RNF130: variants seen among roughly 807,000 people sequenced by gnomAD.
RNF130 encodes ring finger protein 130.
RNF130 carries 21 observed loss-of-function variants against 44.6 expected under a neutral mutation model. That is an observed-to-expected ratio of 0.47 (90% CI 0.33 to 0.68). The LOEUF (loss-of-function observed/expected upper bound fraction) is 0.68, where lower values mean the gene tolerates loss of function less well. Ranked by LOEUF, RNF130 falls within the 30% of genes least tolerant of loss-of-function variation. RNF130 has a pLI of 0.02. For missense variants in RNF130, 479 were observed against 560.6 expected (o/e 0.85, Z 1.47); for synonymous variants, 214 against 210.4 (o/e 1.02, Z -0.15).
At chr5:179,954,697 A>C (rs1490952420), downstream of RNF130, among the ~76,000 whole-genome samples, 1 of 152,250 alleles carries the variant, frequency 6.6e-6, no homozygotes, top group Non-Finnish European at 1.5e-5. Flanking sequence ...TTAAACGGGT[A>C]ATTTTATAGC....
downstream of RNF130, among the ~76,000 whole-genome samples, chr5:179,950,641 C>T (rs1478299798): frequency 6.6e-6 from 1 of 152,120 alleles, no homozygotes; most frequent in Non-Finnish European, 1.5e-5. Flanking sequence ...ATGGGAAGTC[C>T]CAATCTATCA....
Position 180,071,745 on chromosome 5 carries a change from G to A in RNF130, c.-43C>T, listed in dbSNP as rs1214158422. 1.0e-5 allele frequency: 12 copies of A among 1,151,708 alleles called. No individual in the cohort carries two copies. The Middle Eastern group carries it at 1.1e-3, about 101-fold the overall frequency. 71.3% of individuals were successfully genotyped at this position (1,151,708 alleles called of 1,614,324 possible). ...CCGCTGCTCGCGGACCGGGCTCCGG[G>A]GCCGGCGCCTAGAGGCGGGGCGGGC... is the stretch of plus-strand genomic sequence containing the variant. On this transcript the variant is annotated 5_prime_UTR_variant, in exon 1 of 9. Transcript: ENST00000521389.
intron 1 of RNF130, among the ~76,000 whole-genome samples, chr5:180,052,917 G>A (rs1025442250): frequency 2.0e-5 from 3 of 152,086 alleles, no homozygotes; most frequent in Non-Finnish European, 4.4e-5. Context: ...CTTAAATATA[G>A]AAAATAATCA....
intron 3 of RNF130, among the ~76,000 whole-genome samples, chr5:179,991,497 TTA>T (rs567754794): frequency 9.7e-4 from 148 of 152,200 alleles, no homozygotes; most frequent in Non-Finnish European, 1.8e-3. Flanking sequence ...TTTAGTTGCT[TTA>T]TATAGTCCAT....
At chr5:179,987,933 C>T (rs1002416412) in intron 3 of RNF130, among the ~76,000 whole-genome samples, 3 of 152,144 alleles carry the variant, frequency 2.0e-5, no homozygotes, top group South Asian at 2.1e-4. Context: ...TTTCTTATTT[C>T]GTTGTGCCCT....
chr5:179,985,413 T>G (rs974529811), intron 3 of RNF130, among the ~76,000 whole-genome samples: 1 of 152,150 alleles, frequency 6.6e-6, no homozygotes, highest in Non-Finnish European at 1.5e-5. Flanking sequence ...CTGTGCATAC[T>G]AAGCCGTAAG....
chr5:180,020,221 C>T (rs17681729), intron 2 of RNF130, among the ~76,000 whole-genome samples: 6,342 of 152,222 alleles, frequency 0.042, 202 homozygotes, highest in Non-Finnish European at 0.061. Context: ...AAGGAATTTT[C>T]GGTTAGGTGT....
At chr5:180,053,158 CAG>C (rs910910014) in intron 1 of RNF130, among the ~76,000 whole-genome samples, 1 of 152,106 alleles carries the variant, frequency 6.6e-6, no homozygotes, top group Non-Finnish European at 1.5e-5. Context: ...AGGTTTTTAA[CAG>C]ATCTCAAAAC....
intron 3 of RNF130, among the ~76,000 whole-genome samples, chr5:179,999,459 C>T (rs763911789): frequency 7.2e-5 from 11 of 152,062 alleles, no homozygotes; most frequent in African/African-American, 9.7e-5. Flanking sequence ...TGGTGGCTTA[C>T]GCCTGTAATC....
chr5:179,944,031 G>C (rs1382410352), intron 7 of RNF130, among the ~76,000 whole-genome samples: 10 of 151,326 alleles, frequency 6.6e-5, no homozygotes, highest in African/African-American at 2.4e-4. Flanking sequence ...GAGTGCAACG[G>C]CGCGATCTTG....
chr5:180,006,452 G>C (rs1763464752), intron 3 of RNF130, among the ~76,000 whole-genome samples: 1 of 152,150 alleles, frequency 6.6e-6, no homozygotes, highest in Non-Finnish European at 1.5e-5. Flanking sequence ...TGATGAAAAT[G>C]GGCAATAAGA....
downstream of RNF130, among the ~76,000 whole-genome samples, chr5:179,952,151 T>C (rs1235726495): frequency 6.6e-6 from 1 of 152,092 alleles, no homozygotes; most frequent in Non-Finnish European, 1.5e-5. Flanking sequence ...CGAGCTGAGA[T>C]TGTGCCACTG....
chr5:179,986,232 TA>T (rs1561681281), intron 3 of RNF130, among the ~76,000 whole-genome samples: 5 of 152,238 alleles, frequency 3.3e-5, no homozygotes, highest in Non-Finnish European at 7.3e-5. Flanking sequence ...GCTTCATGAA[TA>T]GATTTTTCTG....
intron 3 of RNF130, among the ~76,000 whole-genome samples, chr5:180,009,510 T>G (rs977511114): frequency 2.6e-5 from 4 of 152,086 alleles, no homozygotes; most frequent in Non-Finnish European, 4.4e-5. Context: ...ATTAGAGAAA[T>G]GCAAACTAAA....
At chr5:180,031,526 A>T (rs1764130572) in intron 2 of RNF130, among the ~76,000 whole-genome samples, 1 of 152,106 alleles carries the variant, frequency 6.6e-6, no homozygotes, top group African/African-American at 2.4e-5. Context: ...CAAAAGTTAT[A>T]CGTAGCTTTT....
At chr5:180,047,758 A>G (rs1764600225) in intron 1 of RNF130, among the ~76,000 whole-genome samples, 1 of 152,142 alleles carries the variant, frequency 6.6e-6, no homozygotes, top group Non-Finnish European at 1.5e-5. Flanking sequence ...AATAAATAAA[A>G]TAAATCTCAG....
downstream of RNF130, among the ~76,000 whole-genome samples, chr5:179,952,464 A>C (rs1762140972): frequency 6.6e-6 from 1 of 152,190 alleles, no homozygotes; most frequent in Non-Finnish European, 1.5e-5. Flanking sequence ...TTTTCCAAAA[A>C]ACAGAAGAGG....
At chr5:180,022,970 C>T (rs1377799341) in intron 2 of RNF130, among the ~76,000 whole-genome samples, 2 of 152,304 alleles carry the variant, frequency 1.3e-5, no homozygotes, top group South Asian at 4.1e-4. Context: ...GCTTTCACGC[C>T]AAGCACCAGA....
chr5:179,968,603 T>C (rs1159807969), intron 6 of RNF130, among the ~76,000 whole-genome samples: 2 of 147,546 alleles, frequency 1.4e-5, no homozygotes, highest in African/African-American at 5.1e-5. Context: ...GAGGTGGAGG[T>C]TGCAGTGAGC....
Sources: gnomAD v4.1 joint callset for allele counts (sites outside exome capture counted in the v4.1 genomes callset) on GRCh38, gnomAD v4.1.1 for gene constraint, MANE v1.5 for transcripts, NCBI Gene and HGNC (gene_info 2026-07-23, HGNC 2026-07-21) for gene names.